Variants in WWOX observed in about 807,000 individuals in gnomAD.
WWOX encodes the protein WW domain-containing oxidoreductase.
A neutral mutation model predicts 46.2 loss-of-function variants in WWOX; 69 were observed. The observed-to-expected ratio is 1.49, with a 90% CI of 1.23 to 1.82. The LOEUF (loss-of-function observed/expected upper bound fraction) is 1.82, where lower values mean the gene tolerates loss of function less well. Among genes scored for constraint, WWOX ranks in the 40% most tolerant of loss-of-function variants. The probability of loss-of-function intolerance (pLI) is 0.00; values close to 1 mark genes in which losing one functional copy is unlikely to be tolerated. For synonymous variants in WWOX, 359 were observed against 202.6 expected (o/e 1.77, Z -6.56); for missense variants, 919 against 542.6 (o/e 1.69, Z -6.89).
In WWOX at chr16:78,731,824, A is replaced by G. The variant is rs571917643; in HGVS notation, c.1056+299072A>G. Among the ~76,000 whole-genome samples, 13 of 149,888 alleles carry G rather than the reference A, an allele frequency of 8.7e-5. No individual in the cohort carries two copies. In the South Asian group the frequency reaches 2.1e-3, roughly 25 times the overall value. On this transcript the variant is annotated intron_variant, in intron 8 of 8. Coordinates refer to ENST00000566780, the MANE Select transcript of WWOX (RefSeq NM_016373.4). ...AACTAAAGTCTAATAGCACTCCCCAATGCCAATTTTTTTTCTTTCTCTTTT... is the reference window on the plus strand; with the variant it reads ...AACTAAAGTCTAATAGCACTCCCCAGTGCCAATTTTTTTTCTTTCTCTTTT...
chr16:79,180,045 C>T (rs2050879221), intron 8 of WWOX, among the ~76,000 whole-genome samples: 1 of 151,910 alleles, frequency 6.6e-6, no homozygotes, highest in African/African-American at 2.4e-5. Context: ...TTGAGGTTTC[C>T]ACTGAGTTGC....
chr16:78,424,363 A>T (rs1414960586), intron 6 of WWOX, among the ~76,000 whole-genome samples: 1 of 151,826 alleles, frequency 6.6e-6, no homozygotes, highest in Non-Finnish European at 1.5e-5. Context: ...AAAATGGTCC[A>T]CCTGCCTTGG....
chr16:78,543,776 A>G (rs1007178861), intron 8 of WWOX, among the ~76,000 whole-genome samples: 3 of 152,074 alleles, frequency 2.0e-5, no homozygotes, highest in Admixed American at 6.6e-5. Context: ...TATACTGACA[A>G]TACACTGATG....
intron 8 of WWOX, among the ~76,000 whole-genome samples, chr16:78,784,976 A>G (rs2050419337): frequency 6.6e-6 from 1 of 152,208 alleles, no homozygotes; most frequent in Non-Finnish European, 1.5e-5. Flanking sequence ...TCCCGTGGGC[A>G]GGAGCAGCCA....
rs375259020 is a variant in WWOX, at chr16:78,840,089, G to C, written c.1057-371519G>C. Among the ~76,000 whole-genome samples the C allele has an allele frequency of 3.9e-5, 6 of 152,300 alleles. No homozygotes were observed. In the East Asian group the frequency reaches 7.7e-4, roughly 20 times the overall value. ...GAGTTAGCACATGAGAACATGCTTTGCACAAACAAAGTTGTATGCAAAATA... is the reference window on the plus strand; with the variant it reads ...GAGTTAGCACATGAGAACATGCTTTCCACAAACAAAGTTGTATGCAAAATA... On this transcript the variant is annotated intron_variant, in intron 8 of 8. Coordinates refer to ENST00000566780, the MANE Select transcript of WWOX (RefSeq NM_016373.4).
chr16:78,252,362 A>G (rs2038006394), intron 5 of WWOX, among the ~76,000 whole-genome samples: 1 of 152,228 alleles, frequency 6.6e-6, no homozygotes, highest in African/African-American at 2.4e-5. Flanking sequence ...AATAACAGAA[A>G]TGAGTTAAAA....
chr16:78,433,289 G>T (rs929225655), intron 8 of WWOX, among the ~76,000 whole-genome samples: 1 of 152,110 alleles, frequency 6.6e-6, no homozygotes, highest in South Asian at 2.1e-4. Context: ...CTTTCCCAAA[G>T]ACAATTTTGG....
At chr16:78,646,704 A>G (rs931308992) in intron 8 of WWOX, among the ~76,000 whole-genome samples, 3 of 152,224 alleles carry the variant, frequency 2.0e-5, no homozygotes, top group Non-Finnish European at 4.4e-5. Context: ...ATAGGATTAC[A>G]GGCCATTGTG....
chr16:78,402,781 C>T lies in WWOX; in HGVS notation c.605+15833C>T, dbSNP rs1358007073. On this transcript the variant is annotated intron_variant, in intron 6 of 8. Transcript: ENST00000566780. ...TTGTTAAAGCGTTTTGCTTATTTGA[C>T]TTCTCCTGACCTCGGAAATAATTCT... Among the ~76,000 whole-genome samples, 3 of 152,202 alleles carry T rather than the reference C, an allele frequency of 2.0e-5. No homozygotes were observed. In the East Asian group the frequency reaches 5.8e-4, roughly 29 times the overall value.
chr16:78,172,678 C>T (rs548220995), intron 5 of WWOX, among the ~76,000 whole-genome samples: 83 of 151,342 alleles, frequency 5.5e-4, no homozygotes, highest in Non-Finnish European at 9.0e-4. Context: ...ATAATGAGGG[C>T]TGTGATTAAC....
At chr16:79,147,778 G>C (rs1201252022) in intron 8 of WWOX, among the ~76,000 whole-genome samples, 2 of 152,090 alleles carry the variant, frequency 1.3e-5, no homozygotes, top group Non-Finnish European at 2.9e-5. Context: ...AGCCATTCTG[G>C]TAAACATGTA....
chr16:78,497,538 A>AG (rs2084946683), intron 8 of WWOX, among the ~76,000 whole-genome samples: 1 of 66,092 alleles, frequency 1.5e-5, no homozygotes, highest in Non-Finnish European at 4.9e-5. Flanking sequence ...CATCCTACAG[A>AG]AAGAGAATAT....
intron 8 of WWOX, among the ~76,000 whole-genome samples, chr16:79,120,334 C>T (rs1046130432): frequency 7.2e-5 from 11 of 152,152 alleles, no homozygotes; most frequent in Middle Eastern, 3.2e-3. Context: ...GGCGCATTTA[C>T]CCTACAGAGC....
At chr16:78,557,966 A>G (rs1312753302) in intron 8 of WWOX, among the ~76,000 whole-genome samples, 3 of 152,018 alleles carry the variant, frequency 2.0e-5, no homozygotes, top group Admixed American at 6.6e-5. Flanking sequence ...CAAAGTGCAG[A>G]GCAGGAATTT....
intron 8 of WWOX, among the ~76,000 whole-genome samples, chr16:78,660,445 G>T (rs969681943): frequency 2.6e-5 from 4 of 152,116 alleles, no homozygotes; most frequent in Admixed American, 6.5e-5. Context: ...TCATTTTTCA[G>T]TTGCCAGTGG....
chr16:78,833,396 C>G (rs1360673727), intron 8 of WWOX, among the ~76,000 whole-genome samples: 2 of 150,872 alleles, frequency 1.3e-5, no homozygotes, highest in East Asian at 1.9e-4. Context: ...TGTGGCTGTT[C>G]TCATGTTTAC....
chr16:78,164,346 C>A (rs763524921), intron 5 of WWOX, 57 bp downstream of exon 5: 2 of 1,484,508 alleles, frequency 1.3e-6, no homozygotes, highest in Admixed American at 3.6e-5. Flanking sequence ...GCCGGGCTAA[C>A]CATATGGAGA....
intron 8 of WWOX, among the ~76,000 whole-genome samples, chr16:78,746,972 C>T (rs972056035): frequency 2.6e-5 from 4 of 152,126 alleles, no homozygotes; most frequent in African/African-American, 4.8e-5. Flanking sequence ...AATACACGCT[C>T]TTTTCCAGGG....
intron 8 of WWOX, among the ~76,000 whole-genome samples, chr16:78,857,556 A>G (rs867116760): frequency 2.6e-5 from 4 of 152,142 alleles, no homozygotes; most frequent in African/African-American, 9.7e-5. Context: ...CCATCTACCC[A>G]AGCTGACTGT....
Sources: allele counts gnomAD v4.1 joint callset (sites outside exome capture counted in the v4.1 genomes callset), GRCh38; gene constraint gnomAD v4.1.1; transcripts MANE v1.5; gene names NCBI Gene and HGNC (gene_info 2026-07-23, HGNC 2026-07-21).